BNC2: variants seen among roughly 807,000 people sequenced by gnomAD.
The protein encoded by BNC2 is zinc finger protein basonuclin-2.
Under a neutral mutation model 76.3 loss-of-function variants are expected in BNC2, and 20 were observed. That is an observed-to-expected ratio of 0.26 (90% CI 0.18 to 0.38). The LOEUF is 0.38. Ranked by LOEUF, BNC2 falls within the 10% of genes least tolerant of loss-of-function variation. BNC2 has a pLI of 1.00. For synonymous variants in BNC2, 582 were observed against 514.8 expected (o/e 1.13, Z -1.77); for missense variants, 1,382 against 1,399.8 (o/e 0.99, Z 0.20).
chr9:16,665,610 G>A (rs1319513728), intron 3 of BNC2, among the ~76,000 whole-genome samples: 1 of 152,168 alleles, frequency 6.6e-6, no homozygotes, highest in African/African-American at 2.4e-5. Context: ...GCATGAAAGT[G>A]TGTTTAATAT....
intron 3 of BNC2, among the ~76,000 whole-genome samples, chr9:16,719,340 GA>G (rs1440912106): frequency 6.6e-6 from 1 of 152,052 alleles, no homozygotes; most frequent in Non-Finnish European, 1.5e-5. Context: ...AATGTTAATG[GA>G]AAGGGAAAAA....
At chr9:16,490,726 T>G (rs943155433) in intron 5 of BNC2, among the ~76,000 whole-genome samples, 7 of 152,090 alleles carry the variant, frequency 4.6e-5, no homozygotes, top group South Asian at 2.1e-4. Context: ...CTACACTCCC[T>G]GAAGAAGAGA....
At chr9:16,866,292 C>T (rs1372938337) in intron 1 of BNC2, among the ~76,000 whole-genome samples, 2 of 152,018 alleles carry the variant, frequency 1.3e-5, no homozygotes, top group South Asian at 4.2e-4. Context: ...AACATTTATG[C>T]TTATAACAGG....
At chr9:16,662,147 C>T (rs745423493) in intron 3 of BNC2, among the ~76,000 whole-genome samples, 1 of 152,190 alleles carries the variant, frequency 6.6e-6, no homozygotes, top group South Asian at 2.1e-4. Context: ...GAGGGGAAAA[C>T]ATTCACATAT....
At chr9:16,486,501 G>A (rs1822167290) in intron 5 of BNC2, among the ~76,000 whole-genome samples, 1 of 152,146 alleles carries the variant, frequency 6.6e-6, no homozygotes, top group Admixed American at 6.5e-5. Flanking sequence ...TACTATGCTT[G>A]GGCAATGTCA....
chr9:16,736,522 C>T (rs1309369060), intron 2 of BNC2, among the ~76,000 whole-genome samples: 1 of 150,134 alleles, frequency 6.7e-6, no homozygotes, highest in East Asian at 2.0e-4. Flanking sequence ...GTCACCCAGG[C>T]TGGAGTGCAG....
rs1271213216 is a variant in BNC2 at position 16,417,861 on chromosome 9, AT to A, written c.*1127del. 3.3e-5 allele frequency: 5 copies of A among 152,652 alleles called. No homozygotes were observed. Among genetic ancestry groups the A allele is most frequent in the African/African-American group, 1.2e-4 (5 of 41,456 alleles). The allele number at this position is 152,652 out of a possible 1,614,324, so 9.5% of individuals were successfully genotyped here. The stretch of plus-strand genomic sequence containing the variant: ...TATAAGCAAGAAGGATGCAATGTTG[AT>A]TCTAATAACATTCGGCACTTGAAAG... On this transcript the variant is annotated 3_prime_UTR_variant, in exon 7 of 7. Transcript: ENST00000380672.
chr9:16,419,565 A>G lies in BNC2; in HGVS notation c.2724T>C (p.Leu908=), dbSNP rs1350302922. 1 of 1,610,116 alleles carries G rather than the reference A, an allele frequency of 6.2e-7. No homozygotes were observed. Among genetic ancestry groups the G allele is most frequent in the Admixed American group, 1.7e-5 (1 of 59,756 alleles). Reference sequence around the variant, plus strand: ...AAAATTCATCGCGGAGGTCCTTGCTAAGGGAGGGCTGCGACGAGTCCAGGC... The same window carrying G: ...AAAATTCATCGCGGAGGTCCTTGCTGAGGGAGGGCTGCGACGAGTCCAGGC... The part of the protein sequence containing the change: ...DMGLDSSQPS[L]SKDLRDEFLV... The change falls in exon 7 of 7, where the codon CTT becomes CTC. Residue 908 remains leucine, a synonymous_variant. Transcript: ENST00000380672.
chr9:16,856,122 A>C (rs1819249322), intron 1 of BNC2, among the ~76,000 whole-genome samples: 1 of 152,182 alleles, frequency 6.6e-6, no homozygotes, highest in African/African-American at 2.4e-5. Flanking sequence ...GCAAAATGAA[A>C]GTACATTAAT....
At chr9:16,678,621 C>G (rs192816511) in intron 3 of BNC2, among the ~76,000 whole-genome samples, 149 of 150,004 alleles carry the variant, frequency 9.9e-4, no homozygotes, top group African/African-American at 3.4e-3. Flanking sequence ...TTTTAAAATT[C>G]TTTCTGTACC....
At chr9:16,842,843 T>C (rs1818869841) in intron 1 of BNC2, among the ~76,000 whole-genome samples, 2 of 152,136 alleles carry the variant, frequency 1.3e-5, no homozygotes, top group Admixed American at 1.3e-4. Flanking sequence ...TCTCTGTCTC[T>C]TGGGTTCAAG....
intron 1 of BNC2, among the ~76,000 whole-genome samples, chr9:16,842,540 G>C (rs1012551484): frequency 1.3e-5 from 2 of 152,118 alleles, no homozygotes; most frequent in African/African-American, 4.8e-5. Context: ...TGACGAAAGC[G>C]TTCTAGAACT....
chr9:16,779,114 T>TAAAAAAAAAAAAAA (rs143267899), intron 1 of BNC2, among the ~76,000 whole-genome samples: 1 of 85,568 alleles, frequency 1.2e-5, no homozygotes, highest in Non-Finnish European at 2.2e-5. Flanking sequence ...ACAAAAATTG[T>TAAAAAAAAAAAAAA]AAAAAAAAAA....
chr9:16,522,237 T>G (rs1306173706), intron 5 of BNC2, among the ~76,000 whole-genome samples: 2 of 152,116 alleles, frequency 1.3e-5, no homozygotes, highest in Non-Finnish European at 2.9e-5. Flanking sequence ...AAACCACAGC[T>G]CATAAGCAAA....
chr9:16,729,574 C>T (rs1480810797), intron 2 of BNC2, among the ~76,000 whole-genome samples: 2 of 152,016 alleles, frequency 1.3e-5, no homozygotes, highest in Non-Finnish European at 2.9e-5. Flanking sequence ...CCATTAAGCA[C>T]AAAAAAGTCT....
intron 1 of BNC2, among the ~76,000 whole-genome samples, chr9:16,782,755 A>G (rs1318292702): frequency 1.3e-5 from 2 of 152,198 alleles, no homozygotes; most frequent in African/African-American, 2.4e-5. Context: ...CTCCCCTACC[A>G]GACTCTAAGA....
rs184009460 is a variant in BNC2, at chr9:16,503,640, T to C, written c.669+48890A>G. 6.6e-5 allele frequency among the ~76,000 whole-genome samples: 10 copies of C among 152,262 alleles called. No homozygotes were observed. The East Asian group carries it at 1.2e-3, about 18-fold the overall frequency. On this transcript the variant is annotated intron_variant, in intron 5 of 6. Transcript: ENST00000380672. ...CAGTCTCTCAAAAAAATCTGATTAA[T>C]GATAATCTGGAAGAGTGGACCTAAA...
In BNC2 at chr9:16,867,164, C is replaced by T. The variant is rs116278794; in HGVS notation, c.3+3482G>A. Among the ~76,000 whole-genome samples, 469 of 152,192 alleles carry T rather than the reference C, an allele frequency of 3.1e-3. 1 individual carries two copies. Among genetic ancestry groups the T allele is most frequent in the African/African-American group, 0.011 (441 of 41,520 alleles). The stretch of plus-strand genomic sequence containing the variant: ...GTATGAACATCCACAGAAATTCAAA[C>T]TTGTGGTCTGGTCTCAGTTTTAAAA... On this transcript the variant is annotated intron_variant, in intron 1 of 6. Transcript: ENST00000380672.
intron 3 of BNC2, among the ~76,000 whole-genome samples, chr9:16,697,773 C>A (rs1443771425): frequency 6.6e-6 from 1 of 151,730 alleles, no homozygotes; most frequent in Non-Finnish European, 1.5e-5. Context: ...TATATATAAC[C>A]TCTTAGTTTA....
Sources: allele counts gnomAD v4.1 joint callset (sites outside exome capture counted in the v4.1 genomes callset), GRCh38; gene constraint gnomAD v4.1.1; transcripts MANE v1.5; gene names NCBI Gene and HGNC (gene_info 2026-07-23, HGNC 2026-07-21).